The following RBM33 variants were observed in gnomAD, a reference collection of about 807,000 sequenced individuals.
RBM33 encodes RNA binding motif protein 33.
A neutral mutation model predicts 132.6 loss-of-function variants in RBM33; 28 were observed. The ratio of observed to expected loss-of-function variants is 0.21; its 90% CI spans 0.16 to 0.29. The LOEUF (loss-of-function observed/expected upper bound fraction) is 0.29. RBM33 is among the 10% of genes least tolerant of loss of function. RBM33 has a pLI of 1.00. For missense variants in RBM33, 1,291 were observed against 1,518.5 expected (o/e 0.85, Z 2.49); for synonymous variants, 634 against 593.0 (o/e 1.07, Z -1.01).
At chr7:155,704,394 C>T (rs776411153) in intron 6 of RBM33, among the ~76,000 whole-genome samples, 1 of 152,186 alleles carries the variant, frequency 6.6e-6, no homozygotes, top group African/African-American at 2.4e-5. Context: ...TAATTCATTA[C>T]ATACAGAGGA....
At chr7:155,712,808 G>A (rs1343431757) in intron 8 of RBM33, among the ~76,000 whole-genome samples, 1 of 152,262 alleles carries the variant, frequency 6.6e-6, no homozygotes, top group Non-Finnish European at 1.5e-5. Flanking sequence ...GGGCCGTGGG[G>A]CCATCCAGCC....
chr7:155,735,717 CTG>C (rs1426554036), intron 9 of RBM33, among the ~76,000 whole-genome samples: 183 of 108,078 alleles, frequency 1.7e-3, no homozygotes, highest in East Asian at 0.017. Flanking sequence ...CTCTCTCTCT[CTG>C]TCTCTCTCTC....
intron 9 of RBM33, among the ~76,000 whole-genome samples, chr7:155,720,463 G>T (rs1032734020): frequency 6.6e-6 from 1 of 152,046 alleles, no homozygotes; most frequent in African/African-American, 2.4e-5. Context: ...GCTACCTCTC[G>T]TTGTTTTACT....
At chr7:155,708,264 G>T (rs1197899407) in intron 7 of RBM33, among the ~76,000 whole-genome samples, 1 of 152,232 alleles carries the variant, frequency 6.6e-6, no homozygotes, top group Admixed American at 6.5e-5. Context: ...AGGAACTGCT[G>T]TTTGCTTATA....
intron 14 of RBM33, among the ~76,000 whole-genome samples, chr7:155,756,315 AATAAAT>A (rs1459278083): frequency 6.6e-6 from 1 of 152,244 alleles, no homozygotes; most frequent in African/African-American, 2.4e-5. Context: ...AAGACTTATA[AATAAAT>A]GGGTAGATTT....
chr7:155,780,576 A>G lies in RBM33; in HGVS notation c.*5535A>G, dbSNP rs74933461. On this transcript the variant is annotated 3_prime_UTR_variant, in exon 18 of 18. Coordinates refer to ENST00000401878, the MANE Select transcript of RBM33 (RefSeq NM_053043.3). ...GCTTTCCTGGCTAAACCCATCTACCATTCTTAACACTGGTAGCTCCTGTCC... is the reference window on the plus strand; with the variant it reads ...GCTTTCCTGGCTAAACCCATCTACCGTTCTTAACACTGGTAGCTCCTGTCC... 7.0e-3 allele frequency: 1,068 copies of G among 152,334 alleles called. 7 individuals are homozygous for G. The highest frequency in any genetic ancestry group is 0.011 in the Non-Finnish European group (741 of 68,152). 9.4% of individuals were successfully genotyped at this position (152,334 alleles called of 1,614,324 possible).
chr7:155,675,631 T>G (rs1429080381), intron 3 of RBM33, among the ~76,000 whole-genome samples: 1 of 152,170 alleles, frequency 6.6e-6, no homozygotes, highest in African/African-American at 2.4e-5. Context: ...GCTTCCTGTT[T>G]ACGCACTCAC....
At chr7:155,652,104 C>T (rs1043031150) in intron 1 of RBM33, among the ~76,000 whole-genome samples, 2 of 152,122 alleles carry the variant, frequency 1.3e-5, no homozygotes, top group East Asian at 3.8e-4. Flanking sequence ...TGGATTTCCT[C>T]ATCTATAAAA....
intron 5 of RBM33, among the ~76,000 whole-genome samples, chr7:155,691,103 A>G (rs1799625804): frequency 6.6e-6 from 1 of 152,192 alleles, no homozygotes; most frequent in South Asian, 2.1e-4. Context: ...TTTCAGGTAC[A>G]CCAATCAGAC....
intron 5 of RBM33, among the ~76,000 whole-genome samples, chr7:155,683,102 T>C (rs1799380899): frequency 1.3e-5 from 2 of 152,242 alleles, no homozygotes; most frequent in Middle Eastern, 3.2e-3. Context: ...AATGTCTTTC[T>C]GTGAGCAATG....
intron 1 of RBM33, among the ~76,000 whole-genome samples, chr7:155,657,291 C>G (rs1336948917): frequency 6.6e-6 from 1 of 152,088 alleles, no homozygotes; most frequent in African/African-American, 2.4e-5. Context: ...GGAGTGCCCG[C>G]GCTGATGCAC....
chr7:155,725,203 G>GTTTTTTTTTTTTTTTTTTTTTTT (rs59050644), intron 9 of RBM33, among the ~76,000 whole-genome samples: 2 of 105,176 alleles, frequency 1.9e-5, no homozygotes, highest in Non-Finnish European at 4.0e-5. Context: ...TTTTTTAGTT[G>GTTTTTTTTTTTTTTTTTTTTTTT]TTTTTTTTTT....
intron 7 of RBM33, among the ~76,000 whole-genome samples, chr7:155,708,023 A>G (rs983438110): frequency 6.6e-6 from 1 of 152,236 alleles, no homozygotes; most frequent in African/African-American, 2.4e-5. Flanking sequence ...CTTCAAGGAA[A>G]AATTTACTTA....
intron 14 of RBM33, among the ~76,000 whole-genome samples, chr7:155,753,157 T>C (rs1414226388): frequency 6.6e-6 from 1 of 152,222 alleles, no homozygotes; most frequent in Non-Finnish European, 1.5e-5. Context: ...TTGTTTCTGT[T>C]GACATTTAGA....
At chr7:155,649,374 TC>T (rs1219486679) in intron 1 of RBM33, among the ~76,000 whole-genome samples, 1 of 152,226 alleles carries the variant, frequency 6.6e-6, no homozygotes, top group Non-Finnish European at 1.5e-5. Flanking sequence ...TTCCACATCT[TC>T]CTGGCACATA....
chr7:155,695,065 C>A (rs1799753612), intron 5 of RBM33, among the ~76,000 whole-genome samples: 1 of 152,062 alleles, frequency 6.6e-6, no homozygotes, highest in South Asian at 2.1e-4. Flanking sequence ...TGTTGCCAAT[C>A]TCTTGATTTA....
chr7:155,751,039 G>A (rs997614453), intron 14 of RBM33, among the ~76,000 whole-genome samples: 1 of 152,132 alleles, frequency 6.6e-6, no homozygotes, highest in African/African-American at 2.4e-5. Flanking sequence ...GACTGCATTT[G>A]TAAATTTCTT....
chr7:155,675,958 CTATT>C (rs1799173637), intron 3 of RBM33, among the ~76,000 whole-genome samples: 1 of 152,052 alleles, frequency 6.6e-6, no homozygotes, highest in Admixed American at 6.6e-5. Context: ...GGTTTAATTT[CTATT>C]TATTTGATTT....
At chr7:155,655,534 C>CGTTTT (rs1554465866) in intron 1 of RBM33, among the ~76,000 whole-genome samples, 1 of 80,114 alleles carries the variant, frequency 1.2e-5, no homozygotes, top group Non-Finnish European at 2.2e-5. Context: ...GGCTGTTTGC[C>CGTTTT]TTTTTTTTTT....
Sources: gnomAD v4.1 joint callset for allele counts (sites outside exome capture counted in the v4.1 genomes callset) on GRCh38, gnomAD v4.1.1 for gene constraint, MANE v1.5 for transcripts, NCBI Gene and HGNC (gene_info 2026-07-23, HGNC 2026-07-21) for gene names.